The following MSI2 variants were observed in gnomAD, a reference collection of about 807,000 sequenced individuals.
MSI2 encodes the protein RNA-binding protein Musashi homolog 2.
MSI2 carries 17 observed loss-of-function variants against 45.6 expected under a neutral mutation model. That is an observed-to-expected ratio of 0.37 (90% confidence interval 0.26 to 0.56). The LOEUF is 0.56. MSI2 is among the 20% of genes least tolerant of loss of function. The probability of loss-of-function intolerance (pLI) is 0.77; values close to 1 mark genes in which losing one functional copy is unlikely to be tolerated. For missense variants in MSI2, 293 were observed against 444.2 expected (o/e 0.66, Z 3.06); for synonymous variants, 156 against 158.2 (o/e 0.99, Z 0.11).
intron 5 of MSI2, among the ~76,000 whole-genome samples, chr17:57,372,096 G>A (rs1031802966): frequency 6.6e-6 from 1 of 152,042 alleles, no homozygotes; most frequent in Non-Finnish European, 1.5e-5. Flanking sequence ...AAAATGATGT[G>A]TTTATGGTAA....
chr17:57,381,645 G>A (rs887417141), intron 5 of MSI2, among the ~76,000 whole-genome samples: 1 of 152,150 alleles, frequency 6.6e-6, no homozygotes, highest in Non-Finnish European at 1.5e-5. Flanking sequence ...AATGCACGTG[G>A]GCATGGAGCA....
chr17:57,679,783 T>C lies in MSI2; in HGVS notation c.*266T>C. 3.9e-6 allele frequency: 1 copy of C among 255,800 alleles called. No individual in the cohort carries two copies. The allele number at this position is 255,800 out of a possible 1,614,324, so 15.8% of individuals were successfully genotyped here. On this transcript the variant is annotated 3_prime_UTR_variant, in exon 14 of 14. Transcript: ENST00000284073. ...TTTCGGTTTTGTTTTGTTTTGTTTT[T>C]CTTGATGGTTTCCCTCTCCCTCCCT...
At chr17:57,262,739 C>T (rs2094911005) in intron 5 of MSI2, among the ~76,000 whole-genome samples, 1 of 152,162 alleles carries the variant, frequency 6.6e-6, no homozygotes, top group Non-Finnish European at 1.5e-5. Context: ...CTTATTTGTG[C>T]AAGTGCTGGT....
chr17:57,415,137 G>A (rs559940056), intron 6 of MSI2, among the ~76,000 whole-genome samples: 1 of 152,280 alleles, frequency 6.6e-6, no homozygotes, highest in East Asian at 1.9e-4. Context: ...GATCCTCTGG[G>A]CACCAGGGAT....
chr17:57,530,260 C>T (rs1347255293), intron 7 of MSI2, among the ~76,000 whole-genome samples: 1 of 152,184 alleles, frequency 6.6e-6, no homozygotes, highest in African/African-American at 2.4e-5. Context: ...TGTGCTGCTT[C>T]TGTCCCATCC....
At chr17:57,401,078 A>T (rs76414958) in intron 5 of MSI2, among the ~76,000 whole-genome samples, 14 of 152,212 alleles carry the variant, frequency 9.2e-5, no homozygotes, top group Non-Finnish European at 1.5e-5. Flanking sequence ...ATAGCTTGAC[A>T]TGTGATTTTT....
intron 6 of MSI2, among the ~76,000 whole-genome samples, chr17:57,434,281 G>A (rs563164644): frequency 6.6e-6 from 1 of 152,146 alleles, no homozygotes; most frequent in Non-Finnish European, 1.5e-5. Context: ...TTGTATTTTG[G>A]TAGAGACAGG....
intron 8 of MSI2, among the ~76,000 whole-genome samples, chr17:57,605,202 C>CT (rs556517897): frequency 1.9e-4 from 29 of 152,168 alleles, no homozygotes; most frequent in Non-Finnish European, 3.7e-4. Context: ...GAGATCCTGC[C>CT]CCCCACGCAT....
intron 6 of MSI2, among the ~76,000 whole-genome samples, chr17:57,527,321 G>A (rs943239342): frequency 2.6e-5 from 4 of 150,976 alleles, no homozygotes; most frequent in African/African-American, 9.7e-5. Flanking sequence ...CAGGGTCTGA[G>A]TCTGAGATAT....
Position 57,675,117 on chromosome 17 carries a change from C to T in MSI2, c.936C>T (p.His312=), listed in dbSNP as rs536631751. The T allele has an allele frequency of 3.8e-5, 61 of 1,612,982 alleles. 1 individual carries two copies. In the East Asian group the frequency reaches 7.8e-4, roughly 21 times the overall value. Residue 312 remains histidine (H), a synonymous_variant, in exon 12 of 14, where the codon CAC becomes CAT. Transcript: ENST00000284073. ...ASPQPGSGFG[H]GIAGPLIATA... is the part of the protein sequence containing the mutation. ...CACAGCCGGGCTCGGGCTTCGGCCA[C>T]GGCATAGCTGTAAGTACCTGCCTTC...
At chr17:57,357,418 G>A (rs76341979) in intron 5 of MSI2, among the ~76,000 whole-genome samples, 1 of 152,148 alleles carries the variant, frequency 6.6e-6, no homozygotes, top group Non-Finnish European at 1.5e-5. Flanking sequence ...TCTGGCCTTC[G>A]GAGCTGGATC....
chr17:57,471,133 C>A (rs2085427947), intron 6 of MSI2, among the ~76,000 whole-genome samples: 1 of 152,138 alleles, frequency 6.6e-6, no homozygotes, highest in Non-Finnish European at 1.5e-5. Context: ...CTACCCCCTA[C>A]TCTTTTGTTT....
intron 6 of MSI2, among the ~76,000 whole-genome samples, chr17:57,500,213 A>G (rs756611511): frequency 4.6e-5 from 7 of 152,090 alleles, no homozygotes; most frequent in Non-Finnish European, 8.8e-5. Flanking sequence ...CCAGAGAGGT[A>G]AAGTAGTTTG....
At chr17:57,618,797 C>T (rs1468004401) in intron 9 of MSI2, among the ~76,000 whole-genome samples, 2 of 152,204 alleles carry the variant, frequency 1.3e-5, no homozygotes, top group Admixed American at 6.5e-5. Flanking sequence ...CCGCCTCAGC[C>T]TCCCAAAGTG....
intron 6 of MSI2, among the ~76,000 whole-genome samples, chr17:57,487,634 C>T (rs2085781485): frequency 6.6e-6 from 1 of 152,066 alleles, no homozygotes; most frequent in African/African-American, 2.4e-5. Flanking sequence ...AGCCTGAGCT[C>T]CTTGGTGAGG....
chr17:57,565,964 C>T (rs1413592363), intron 7 of MSI2: 1 of 152,178 alleles, frequency 6.6e-6, no homozygotes, highest in African/African-American at 2.4e-5. Flanking sequence ...AGCGAAAACC[C>T]CTTTTCTTCT....
At chr17:57,689,116 AAG>A (rs1201061145), downstream of MSI2, among the ~76,000 whole-genome samples, 1 of 152,174 alleles carries the variant, frequency 6.6e-6, no homozygotes, top group Non-Finnish European at 1.5e-5. Flanking sequence ...CTGTCTAAAA[AAG>A]GGAATACAAG....
intron 5 of MSI2, among the ~76,000 whole-genome samples, chr17:57,375,673 C>T (rs564495832): frequency 6.6e-6 from 1 of 152,234 alleles, no homozygotes; most frequent in South Asian, 2.1e-4. Flanking sequence ...GTTATTAAGG[C>T]CTGCCCAGCA....
At chr17:57,316,246 A>G (rs951530838) in intron 5 of MSI2, among the ~76,000 whole-genome samples, 3 of 152,118 alleles carry the variant, frequency 2.0e-5, no homozygotes, top group Non-Finnish European at 4.4e-5. Flanking sequence ...TTTAGGGCTG[A>G]GAGGGACCTT....
Sources: gnomAD v4.1 joint callset for allele counts (sites outside exome capture counted in the v4.1 genomes callset) on GRCh38, gnomAD v4.1.1 for gene constraint, MANE v1.5 for transcripts, NCBI Gene and HGNC (gene_info 2026-07-23, HGNC 2026-07-21) for gene names.